The following SHANK2 variants were observed in gnomAD, a reference collection of about 807,000 sequenced individuals.
The protein encoded by SHANK2 is SH3 and multiple ankyrin repeat domains 2, also known as SH3 and multiple ankyrin repeat domains protein 2.
In SHANK2, 43 loss-of-function variants were observed where a neutral mutation model predicts 133.7. That is an observed-to-expected ratio of 0.32 (90% CI 0.25 to 0.41). SHANK2 has a LOEUF of 0.41. SHANK2 is among the 10% of genes least tolerant of loss of function. The probability of loss-of-function intolerance (pLI) is 1.00; values close to 1 mark genes in which losing one functional copy is unlikely to be tolerated. For synonymous variants in SHANK2, 1,017 were observed against 952.8 expected (o/e 1.07, Z -1.24); for missense variants, 1,994 against 2,235.8 (o/e 0.89, Z 2.18).
intron 11 of SHANK2, among the ~76,000 whole-genome samples, chr11:70,860,195 C>G (rs1565366132): frequency 6.6e-6 from 1 of 152,192 alleles, no homozygotes; most frequent in Admixed American, 6.5e-5. Flanking sequence ...ACCTCCATAC[C>G]CTATCACACC....
At chr11:71,185,223 C>A (rs974966907) in intron 2 of SHANK2, among the ~76,000 whole-genome samples, 2 of 152,216 alleles carry the variant, frequency 1.3e-5, no homozygotes, top group Non-Finnish European at 2.9e-5. Context: ...ATGACTTCAA[C>A]TTTCCAGACC....
chr11:70,601,235 T>G (rs558518156), intron 17 of SHANK2, among the ~76,000 whole-genome samples: 1 of 151,632 alleles, frequency 6.6e-6, no homozygotes, highest in Non-Finnish European at 1.5e-5. Context: ...TTTTTCTTTT[T>G]TTTGAGACAG....
At chr11:70,551,770 T>C (rs1202331918) in intron 17 of SHANK2, among the ~76,000 whole-genome samples, 3 of 152,244 alleles carry the variant, frequency 2.0e-5, no homozygotes, top group African/African-American at 4.8e-5. Context: ...GGGGATGTGG[T>C]GTCTCTGCTC....
chr11:70,602,123 C>T (rs1300182313), intron 17 of SHANK2, among the ~76,000 whole-genome samples: 1 of 152,188 alleles, frequency 6.6e-6, no homozygotes, highest in Non-Finnish European at 1.5e-5. Flanking sequence ...CTCCCCCTTG[C>T]TTGCTTTCGC....
intron 11 of SHANK2, among the ~76,000 whole-genome samples, chr11:70,868,241 G>A (rs1218437773): frequency 6.6e-6 from 1 of 152,192 alleles, no homozygotes; most frequent in Admixed American, 6.5e-5. Flanking sequence ...CACAGAGGCT[G>A]AGGGGGTCGG....
intron 10 of SHANK2, among the ~76,000 whole-genome samples, chr11:70,946,315 ACTAACCAACACTTCCCAGGATCAG>A (rs1950733245): frequency 1.2e-5 from 1 of 83,230 alleles, no homozygotes; most frequent in Admixed American, 1.1e-4. Context: ...CTCTCTCTCC[ACTAACCAACACTTCCCAGGATCAG>A]CCTCCCTCTC....
At chr11:70,598,698 A>C (rs1281291109) in intron 17 of SHANK2, among the ~76,000 whole-genome samples, 1 of 152,244 alleles carries the variant, frequency 6.6e-6, no homozygotes, top group African/African-American at 2.4e-5. Flanking sequence ...ATTTGGCAAC[A>C]TATTAAAAAG....
At chr11:70,670,881 G>GC (rs1944787201) in intron 15 of SHANK2, among the ~76,000 whole-genome samples, 1 of 152,330 alleles carries the variant, frequency 6.6e-6, no homozygotes, top group Admixed American at 6.5e-5. Flanking sequence ...GCAGGGGGCT[G>GC]CGTCGCTTCA....
chr11:70,943,207 G>T (rs1950672292), intron 10 of SHANK2: 1 of 399,000 alleles, frequency 2.5e-6, no homozygotes, highest in South Asian at 1.9e-5. Flanking sequence ...GTTCAAAGGG[G>T]TCTGTCTGTG....
intron 11 of SHANK2, among the ~76,000 whole-genome samples, chr11:70,884,494 AAGCCAGCCCT>A (rs1555073012): frequency 6.6e-6 from 1 of 152,176 alleles, no homozygotes; most frequent in African/African-American, 2.4e-5. Flanking sequence ...ACTATTTTGG[AAGCCAGCCCT>A]GCCTTGGACC....
At chr11:70,880,159 A>G (rs782669577) in intron 11 of SHANK2, among the ~76,000 whole-genome samples, 17 of 152,228 alleles carry the variant, frequency 1.1e-4, no homozygotes, top group Non-Finnish European at 2.2e-4. Flanking sequence ...TAGCCTGGGC[A>G]TAGATAACCT....
At chr11:70,913,933 A>G (rs1555079469) in intron 10 of SHANK2, among the ~76,000 whole-genome samples, 4 of 152,228 alleles carry the variant, frequency 2.6e-5, no homozygotes, top group Middle Eastern at 3.2e-3. Flanking sequence ...GCCACACTTC[A>G]TTAGGGAAAG....
At chr11:70,863,336 A>G (rs1555068207) in intron 11 of SHANK2, 6 of 458,026 alleles carry the variant, frequency 1.3e-5, no homozygotes, top group Admixed American at 2.4e-5. Flanking sequence ...CAGTGCCCAG[A>G]TGCCGGCTCC....
intron 10 of SHANK2, among the ~76,000 whole-genome samples, chr11:70,932,311 T>C (rs1227517206): frequency 1.3e-5 from 2 of 152,224 alleles, no homozygotes; most frequent in Non-Finnish European, 2.9e-5. Context: ...TCTTAAAATC[T>C]TGTCCTATAT....
At chr11:70,799,928 A>G (rs561726163) in intron 13 of SHANK2, among the ~76,000 whole-genome samples, 1 of 152,366 alleles carries the variant, frequency 6.6e-6, no homozygotes, top group South Asian at 2.1e-4. Flanking sequence ...CAAGGTCAGG[A>G]GGACCCCGCC....
intron 11 of SHANK2, among the ~76,000 whole-genome samples, chr11:70,894,331 GTGCC>G: frequency 6.6e-6 from 1 of 152,260 alleles, no homozygotes; most frequent in East Asian, 1.9e-4. Context: ...GGGATTACCG[GTGCC>G]TGCCACCACA....
intron 14 of SHANK2, among the ~76,000 whole-genome samples, chr11:70,782,813 A>G (rs530416272): frequency 6.6e-6 from 1 of 152,340 alleles, no homozygotes; most frequent in East Asian, 1.9e-4. Flanking sequence ...CGCAAATGGC[A>G]ATCACAACCA....
intron 2 of SHANK2, among the ~76,000 whole-genome samples, chr11:71,164,403 C>A (rs1265851303): frequency 1.3e-5 from 2 of 152,196 alleles, no homozygotes; most frequent in African/African-American, 4.8e-5. Flanking sequence ...TGACCGGGTT[C>A]TATTCCAGCT....
intron 9 of SHANK2, among the ~76,000 whole-genome samples, chr11:71,071,592 G>A (rs1951142433): frequency 6.6e-6 from 1 of 152,240 alleles, no homozygotes; most frequent in Admixed American, 6.5e-5. Context: ...AACTATGTGA[G>A]GGAGTCATCA....
Sources: gnomAD v4.1 joint callset for allele counts (sites outside exome capture counted in the v4.1 genomes callset) on GRCh38, gnomAD v4.1.1 for gene constraint, MANE v1.5 for transcripts, NCBI Gene and HGNC (gene_info 2026-07-23, HGNC 2026-07-21) for gene names.